ADGRB3: variants seen among roughly 807,000 people sequenced by gnomAD.
ADGRB3 encodes the protein adhesion G protein-coupled receptor B3.
Under a neutral mutation model 193.4 loss-of-function variants are expected in ADGRB3, and 37 were observed. The observed-to-expected ratio is 0.19, with a 90% CI of 0.15 to 0.25. The LOEUF (loss-of-function observed/expected upper bound fraction) is 0.25, where lower values mean the gene tolerates loss of function less well. Ranked by LOEUF, ADGRB3 falls within the 10% of genes least tolerant of loss-of-function variation. The pLI is 1.00. For synonymous variants in ADGRB3, 690 were observed against 644.2 expected, an observed-to-expected ratio of 1.07 and a Z score of -1.08; for missense variants, 1,637 against 1,852.9, an observed-to-expected ratio of 0.88 and a Z score of 2.14.
rs754387297 is a variant in ADGRB3 at position 68,993,935 on chromosome 6, T to C, written c.1902T>C (p.Ser634=). 3.7e-6 allele frequency: 6 copies of C among 1,613,752 alleles called. No homozygotes were observed. In the South Asian group the frequency reaches 6.6e-5, roughly 18 times the overall value. Residue 634 remains serine (S), a synonymous_variant, in exon 11 of 32, where the codon AGT becomes AGC. Transcript: ENST00000370598. ...RNVTDTFKRA[S]YIPASDGVQN... ...TGACAGACACATTTAAAAGGGCAAG[T>C]TACATCCCTGCATCTGATGGTGTCC...
chr6:69,219,254 GTA>G (rs1170243912), intron 17 of ADGRB3, among the ~76,000 whole-genome samples: 1 of 151,546 alleles, frequency 6.6e-6, no homozygotes, highest in Non-Finnish European at 1.5e-5. Flanking sequence ...GGTTTTCTGT[GTA>G]TCCTAGATAG....
intron 3 of ADGRB3, among the ~76,000 whole-genome samples, chr6:68,884,151 G>A (rs929258428): frequency 2.6e-5 from 4 of 151,912 alleles, no homozygotes; most frequent in African/African-American, 7.3e-5. Context: ...TTTTTAAATC[G>A]ACTTACTTTT....
In ADGRB3 at chr6:69,296,541, G is replaced by A. The variant is rs190357705; in HGVS notation, c.2815-28331G>A. ...TGAGACAGAGTGTCTTTCAGCTCAA[G>A]TAATGTTCCAACACAGGAGGCAAAG... is the stretch of plus-strand genomic sequence containing the variant. On this transcript the variant is annotated intron_variant, in intron 20 of 31. Transcript: ENST00000370598. Among the ~76,000 whole-genome samples, 143 of 152,218 alleles carry A rather than the reference G, an allele frequency of 9.4e-4. 1 individual carries two copies. Among genetic ancestry groups the A allele is most frequent in the Non-Finnish European group, 1.5e-3 (104 of 67,994 alleles).
At chr6:69,106,484 C>A (rs1208255486) in intron 17 of ADGRB3, among the ~76,000 whole-genome samples, 2 of 152,138 alleles carry the variant, frequency 1.3e-5, no homozygotes, top group Non-Finnish European at 2.9e-5. Context: ...TTCGTGTACC[C>A]TCCTCCCTTC....
chr6:69,244,598 G>C (rs985231364), intron 20 of ADGRB3, among the ~76,000 whole-genome samples: 11 of 152,068 alleles, frequency 7.2e-5, no homozygotes, highest in African/African-American at 2.7e-4. Context: ...CTTTGAAGCA[G>C]ACTGCCCCCT....
intron 17 of ADGRB3, among the ~76,000 whole-genome samples, chr6:69,162,271 T>G (rs1357429734): frequency 2.6e-5 from 4 of 152,176 alleles, no homozygotes; most frequent in Non-Finnish European, 5.9e-5. Context: ...ACAAAATTAA[T>G]ACTCTTTTAA....
chr6:68,731,294 C>A (rs1765770324), intron 3 of ADGRB3, among the ~76,000 whole-genome samples: 1 of 151,306 alleles, frequency 6.6e-6, no homozygotes, highest in Non-Finnish European at 1.5e-5. Flanking sequence ...ATATTGTAAA[C>A]ATTTTTTTTC....
At position 69,235,059 on chromosome 6, in the gene ADGRB3, G is replaced by A. The variant is rs1766231000; in HGVS notation, c.2635G>A (p.Val879Ile). 4 of 1,612,998 alleles carry A rather than the reference G, an allele frequency of 2.5e-6. No homozygotes were observed. The East Asian group carries it at 8.9e-5, about 36-fold the overall frequency. The change falls in exon 19 of 32, where the codon GTT (valine) becomes ATT (isoleucine). Residue 879 changes from valine (V) to isoleucine (I), a missense_variant. Physicochemically the swap from Val to Ile is conservative, Grantham distance 29. Transcript: ENST00000370598. ...CATGGAATCCTCTGGCACACCTTCA[G>A]TTACCCTAATAGTAGGCAGTGGTCT... ...IIMESSGTPS[V>I]TLIVGSGLSC...
chr6:69,221,096 G>T (rs764723111), intron 17 of ADGRB3, among the ~76,000 whole-genome samples: 5 of 151,650 alleles, frequency 3.3e-5, no homozygotes, highest in Non-Finnish European at 7.4e-5. Context: ...GCACAAAAGA[G>T]GGACTAAAAC....
chr6:69,246,754 A>G (rs1173215855), intron 20 of ADGRB3, among the ~76,000 whole-genome samples: 2 of 152,222 alleles, frequency 1.3e-5, no homozygotes, highest in Non-Finnish European at 2.9e-5. Flanking sequence ...TCAAGAGCCA[A>G]ATGACCTTGA....
chr6:68,749,910 G>A (rs1766163000), intron 3 of ADGRB3, among the ~76,000 whole-genome samples: 1 of 152,192 alleles, frequency 6.6e-6, no homozygotes, highest in Non-Finnish European at 1.5e-5. Flanking sequence ...ATATTACATT[G>A]TTTATAACAA....
At chr6:68,831,076 C>T (rs1203847742) in intron 3 of ADGRB3, among the ~76,000 whole-genome samples, 4 of 151,196 alleles carry the variant, frequency 2.6e-5, no homozygotes, top group Admixed American at 2.6e-4. Flanking sequence ...GAAATACAGA[C>T]AAAGTGGGAA....
At chr6:69,197,849 T>C (rs1207368545) in intron 17 of ADGRB3, among the ~76,000 whole-genome samples, 1 of 152,076 alleles carries the variant, frequency 6.6e-6, no homozygotes, top group Non-Finnish European at 1.5e-5. Context: ...AAATATTTAA[T>C]TTTATGTGCA....
chr6:69,159,440 T>C (rs1031895427), intron 17 of ADGRB3, among the ~76,000 whole-genome samples: 28 of 152,220 alleles, frequency 1.8e-4, no homozygotes, highest in African/African-American at 6.7e-4. Flanking sequence ...TTAAAATCAA[T>C]AAAATATCTA....
At chr6:69,218,099 C>T (rs1371373888) in intron 17 of ADGRB3, among the ~76,000 whole-genome samples, 1 of 146,982 alleles carries the variant, frequency 6.8e-6, no homozygotes, top group Non-Finnish European at 1.5e-5. Context: ...GAAGTCAAAA[C>T]CTTTCAAGCC....
At chr6:69,068,371 T>C (rs977439686) in intron 16 of ADGRB3, among the ~76,000 whole-genome samples, 12 of 152,206 alleles carry the variant, frequency 7.9e-5, no homozygotes, top group African/African-American at 2.4e-4. Flanking sequence ...ATTGTACCTA[T>C]ATAAAATCTA....
At chr6:69,195,522 CAAAAAAAA>C (rs542731165) in intron 17 of ADGRB3, among the ~76,000 whole-genome samples, 2 of 65,124 alleles carry the variant, frequency 3.1e-5, no homozygotes, top group Non-Finnish European at 6.8e-5. Flanking sequence ...TATCCTGTCT[CAAAAAAAA>C]AAAAAAAAAA....
chr6:69,159,199 C>T (rs1479555045), intron 17 of ADGRB3, among the ~76,000 whole-genome samples: 1 of 152,010 alleles, frequency 6.6e-6, no homozygotes, highest in Non-Finnish European at 1.5e-5. Flanking sequence ...TCTTTTCACA[C>T]TCCTCCTAAT....
intron 17 of ADGRB3, among the ~76,000 whole-genome samples, chr6:69,180,817 G>A (rs1324900138): frequency 6.6e-6 from 1 of 152,180 alleles, no homozygotes; most frequent in East Asian, 1.9e-4. Context: ...TCTGGCCAAA[G>A]ACTAAAATGC....
Sources: gnomAD v4.1 joint callset for allele counts (sites outside exome capture counted in the v4.1 genomes callset) on GRCh38, gnomAD v4.1.1 for gene constraint, MANE v1.5 for transcripts, NCBI Gene and HGNC (gene_info 2026-07-23, HGNC 2026-07-21) for gene names.